CRYBB3: variants seen among roughly 807,000 people sequenced by gnomAD.
CRYBB3 encodes the protein beta-crystallin B3.
Under a neutral mutation model 28.3 loss-of-function variants are expected in CRYBB3, and 35 were observed. The ratio of observed to expected loss-of-function variants is 1.24; its 90% CI spans 0.95 to 1.64. The LOEUF (loss-of-function observed/expected upper bound fraction) is 1.64, where lower values mean the gene tolerates loss of function less well. Among genes scored for constraint, CRYBB3 ranks in the 40% most tolerant of loss-of-function variants. The pLI is 0.00. For missense variants in CRYBB3, 296 were observed against 297.4 expected (o/e 1.00, Z 0.04); for synonymous variants, 106 against 110.4 (o/e 0.96, Z 0.25).
chr22:25,201,275 C>T (rs942000682), intron 1 of CRYBB3, 102 bp from the exon 2 acceptor site: 1 of 1,578,672 alleles, frequency 6.3e-7, no homozygotes, highest in Non-Finnish European at 8.6e-7. Flanking sequence ...ACAGCCACGC[C>T]CCATGGGCAG....
chr22:25,200,680 T>C (rs1045989272), intron 1 of CRYBB3, among the ~76,000 whole-genome samples: 3 of 152,140 alleles, frequency 2.0e-5, no homozygotes, highest in Non-Finnish European at 2.9e-5. Context: ...ACTGTCGGTG[T>C]CTGGGTCTTG....
At chr22:25,205,129 GT>G in intron 4 of CRYBB3, 90 bp from the exon 5 acceptor site, 1 of 1,566,666 alleles carries the variant, frequency 6.4e-7, no homozygotes, top group East Asian at 2.3e-5. Context: ...TTATTTTGTG[GT>G]GACCTGTTGA....
chr22:25,203,360 C>T (rs1012090788), intron 3 of CRYBB3, among the ~76,000 whole-genome samples: 10 of 152,120 alleles, frequency 6.6e-5, no homozygotes, highest in African/African-American at 1.9e-4. Context: ...AACAATGGTA[C>T]GTACTTCAGA....
At chr22:25,203,203 G>A (rs753769612) in intron 3 of CRYBB3, among the ~76,000 whole-genome samples, 2 of 152,116 alleles carry the variant, frequency 1.3e-5, no homozygotes, top group Admixed American at 6.5e-5. Context: ...TCCCATCCAT[G>A]TCCACAAGGC....
At chr22:25,203,616 T>C (rs1934983414) in intron 3 of CRYBB3, 147 bp from the exon 4 acceptor site, 2 of 879,596 alleles carry the variant, frequency 2.3e-6, no homozygotes, top group Non-Finnish European at 1.8e-6. Context: ...TAGCAGCTCC[T>C]TTAATTACAG....
intron 5 of CRYBB3, 38 bp from the exon 6 acceptor site, chr22:25,206,994 GGCAGGGTGACTGGAA>G: frequency 7.2e-7 from 1 of 1,391,600 alleles, no homozygotes; most frequent in Non-Finnish European, 1.0e-6. Flanking sequence ...GCTGGCTGGA[GGCAGGGTGACTGGAA>G]GCAGACCGTC....
At position 25,201,460 on chromosome 22, in the gene CRYBB3, G is replaced by A; in HGVS notation, c.64G>A (p.Gly22Ser). The change falls in exon 2 of 6, where the codon GGC becomes AGC. Residue 22 changes from glycine (G) to serine (S), a missense_variant. Physicochemically the swap from Gly to Ser is moderately conservative, Grantham distance 56 (BLOSUM62 0). Transcript: ENST00000215855. ...TGGCAAGAGCCATGGAGACCTTGGGGGCAGCTACAAGGTACTGGGCAGGGA... is the reference window on the plus strand; with the variant it reads ...TGGCAAGAGCCATGGAGACCTTGGGAGCAGCTACAAGGTACTGGGCAGGGA... ...AAGKSHGDLG[G>S]SYKVILYELE... 1 of 1,613,038 alleles carries A rather than the reference G, an allele frequency of 6.2e-7. No homozygotes were observed. The highest frequency in any genetic ancestry group is 8.5e-7 in the Non-Finnish European group (1 of 1,179,418).
In CRYBB3 at chr22:25,202,771, C is replaced by A; in HGVS notation, c.173C>A (p.Ser58Tyr). ...GACAGCCTGCTGGAGAAGGTGGGCT[C>A]CATCCAAGTGGAGTCCGGGCCGTGA... ...LTDSLLEKVG[S>Y]IQVESGPWLA... Residue 58 changes from serine to tyrosine, a missense_variant, in exon 3 of 6, where the codon TCC (serine) becomes TAC (tyrosine). Ser to Tyr is a moderately radical substitution (Grantham distance 144). Coordinates refer to ENST00000215855, the MANE Select transcript of CRYBB3 (RefSeq NM_004076.5). 1 of 1,614,052 alleles carries A rather than the reference C, an allele frequency of 6.2e-7. No individual in the cohort carries two copies. The highest frequency in any genetic ancestry group is 1.3e-5 in the African/African-American group (1 of 75,042).
At chr22:25,205,687 C>T (rs1038383037) in intron 5 of CRYBB3, among the ~76,000 whole-genome samples, 4 of 152,126 alleles carry the variant, frequency 2.6e-5, no homozygotes, top group African/African-American at 9.7e-5. Context: ...TCTCAATCTC[C>T]TGACCTCATG....
chr22:25,204,253 T>C (rs1324051358), intron 4 of CRYBB3, among the ~76,000 whole-genome samples: 1 of 152,228 alleles, frequency 6.6e-6, no homozygotes, highest in African/African-American at 2.4e-5. Flanking sequence ...CAAAATACTT[T>C]AAGTTCTCCA....
At chr22:25,205,816 A>T (rs780644029) in intron 5 of CRYBB3, among the ~76,000 whole-genome samples, 2 of 152,022 alleles carry the variant, frequency 1.3e-5, no homozygotes, top group Non-Finnish European at 2.9e-5. Flanking sequence ...TACTGTTGAG[A>T]TTTCTAGGCA....
chr22:25,207,350 C>T lies in CRYBB3; in HGVS notation c.*138C>T. On this transcript the variant is annotated 3_prime_UTR_variant, in exon 6 of 6. Transcript: ENST00000215855. ...CTCAATAAAGCCTGGGGTTGGTCCC[C>T]CACCCGCCACGTTCCTCGGCATCAC... The T allele has an allele frequency of 6.8e-6, 5 of 740,714 alleles. No individual in the cohort carries two copies. The highest frequency in any genetic ancestry group is 1.1e-5 in the Non-Finnish European group (5 of 462,576). The allele number at this position is 740,714 out of a possible 1,614,324, so 45.9% of individuals were successfully genotyped here. A position where few individuals can be genotyped will look rare whatever the true frequency, so the allele number is the denominator to read the frequency against.
chr22:25,206,060 G>A (rs1009928864), intron 5 of CRYBB3, among the ~76,000 whole-genome samples: 9 of 152,148 alleles, frequency 5.9e-5, no homozygotes, highest in Non-Finnish European at 8.8e-5. Context: ...TAATATCACC[G>A]TTGATGCAGT....
chr22:25,205,265 A>C lies in CRYBB3; in HGVS notation c.373A>C (p.Ser125Arg). The change falls in exon 5 of 6, where the codon AGT becomes CGT. Residue 125 changes from serine to arginine, a missense_variant. Physicochemically the swap from Ser to Arg is moderately radical, Grantham distance 110. Transcript: ENST00000215855. Reference protein sequence around the residue: ...KLHLFENPAFSGRKMEIVDDD... With the variant: ...KLHLFENPAFRGRKMEIVDDD... ...GCATCTGTTTGAGAACCCAGCTTTC[A>C]GTGGCCGCAAGATGGAGATAGTGGA... 6.2e-7 allele frequency: 1 copy of C among 1,614,074 alleles called. No homozygotes were observed. The highest frequency in any genetic ancestry group is 8.5e-7 in the Non-Finnish European group (1 of 1,180,012).
intron 1 of CRYBB3, among the ~76,000 whole-genome samples, chr22:25,200,341 G>A (rs1403474349): frequency 1.3e-5 from 2 of 152,132 alleles, no homozygotes; most frequent in Non-Finnish European, 2.9e-5. Flanking sequence ...TGCTGGGGTG[G>A]CCGTGCTGGG....
intron 4 of CRYBB3, among the ~76,000 whole-genome samples, chr22:25,204,539 T>G (rs1204888988): frequency 6.6e-6 from 1 of 152,224 alleles, no homozygotes; most frequent in Non-Finnish European, 1.5e-5. Context: ...TGCCTCAGCC[T>G]CCTGAGTAGC....
chr22:25,205,063 G>T (rs942378994), intron 4 of CRYBB3, among the ~76,000 whole-genome samples, 157 bp from the exon 5 acceptor site: 9 of 152,134 alleles, frequency 5.9e-5, no homozygotes, highest in Admixed American at 2.0e-4. Flanking sequence ...AGTGAATTTG[G>T]GGGTGGAGGC....
chr22:25,201,675 C>A (rs1934951427), intron 2 of CRYBB3, among the ~76,000 whole-genome samples: 1 of 152,196 alleles, frequency 6.6e-6, no homozygotes, highest in African/African-American at 2.4e-5. Flanking sequence ...CCCTCGTCTG[C>A]AAAACAGAAA....
chr22:25,207,070 G>A lies in CRYBB3; in HGVS notation c.494G>A (p.Gly165Asp). The part of the protein sequence containing the change: ...NGTWVGYEFP[G>D]YRGRQYVFER... ...AGGTGGGTTGGCTATGAGTTCCCCGGCTACCGTGGGCGCCAGTACGTGTTT... is the reference window on the plus strand; with the variant it reads ...AGGTGGGTTGGCTATGAGTTCCCCGACTACCGTGGGCGCCAGTACGTGTTT... Residue 165 changes from glycine (G) to aspartate (D), a missense_variant, in exon 6 of 6, where the codon GGC becomes GAC. Gly to Asp is a moderately conservative substitution (Grantham distance 94). Coordinates refer to ENST00000215855, the MANE Select transcript of CRYBB3 (RefSeq NM_004076.5). 1 of 1,613,742 alleles carries A rather than the reference G, an allele frequency of 6.2e-7. No homozygotes were observed. The highest frequency in any genetic ancestry group is 1.7e-5 in the Admixed American group (1 of 60,028).
Sources: allele counts gnomAD v4.1 joint callset (sites outside exome capture counted in the v4.1 genomes callset), GRCh38; gene constraint gnomAD v4.1.1; transcripts MANE v1.5; gene names NCBI Gene and HGNC (gene_info 2026-07-23, HGNC 2026-07-21).